The following CATSPERD variants were observed in gnomAD, a reference collection of about 807,000 sequenced individuals.
CATSPERD encodes catsper channel auxiliary subunit delta, also known as cation channel sperm-associated auxiliary subunit delta.
A neutral mutation model predicts 98.1 loss-of-function variants in CATSPERD; 86 were observed. That is an observed-to-expected ratio of 0.88 (90% CI 0.74 to 1.05). CATSPERD has a LOEUF of 1.05. Ranked by LOEUF, CATSPERD falls within the 50% of genes least tolerant of loss-of-function variation. The pLI is 0.00. For missense variants in CATSPERD, 995 were observed against 1,005.7 expected (o/e 0.99, Z 0.14); for synonymous variants, 394 against 390.2 (o/e 1.01, Z -0.12).
intron 15 of CATSPERD, among the ~76,000 whole-genome samples, chr19:5,762,606 T>G (rs942099489): frequency 6.6e-6 from 1 of 151,552 alleles, no homozygotes; most frequent in Admixed American, 6.6e-5. Flanking sequence ...GGTGGATGGG[T>G]GGATGGGTGG....
At chr19:5,770,315 A>G (rs2145858125) in intron 18 of CATSPERD, among the ~76,000 whole-genome samples, 1 of 151,302 alleles carries the variant, frequency 6.6e-6, no homozygotes, top group South Asian at 2.1e-4. Flanking sequence ...TTGTATTCCC[A>G]GCTTCTCAGG....
Position 5,724,997 on chromosome 19 carries a change from C to A in CATSPERD, c.126+135C>A, listed in dbSNP as rs746141537. 14 of 811,790 alleles carry A rather than the reference C, an allele frequency of 1.7e-5. No homozygotes were observed. The East Asian group carries it at 2.3e-4, about 13-fold the overall frequency. The allele number at this position is 811,790 out of a possible 1,614,324, so 50.3% of individuals were successfully genotyped here. A position where few individuals can be genotyped will look rare whatever the true frequency, so the allele number is the denominator to read the frequency against. On this transcript the variant is annotated intron_variant, in intron 2 of 21. Transcript: ENST00000381624. ...ATTACTTTATTCAGTCTTTACAGTT[C>A]TTTCCCCTTTGAAATAGGGATTAAT...
chr19:5,755,567 C>T (rs552586947), intron 13 of CATSPERD, among the ~76,000 whole-genome samples: 10 of 151,840 alleles, frequency 6.6e-5, no homozygotes, highest in African/African-American at 1.7e-4. Context: ...CCCAGGAGCT[C>T]GAGACTAGCC....
intron 4 of CATSPERD, among the ~76,000 whole-genome samples, chr19:5,733,407 CTCCTTCCTTCCTTCCT>C (rs34670750): frequency 1.9e-4 from 27 of 140,974 alleles, no homozygotes; most frequent in Admixed American, 1.6e-3. Context: ...TTCCTTTCTT[CTCCTTCCTTCCTTCCT>C]TCCTTCCTCC....
At chr19:5,739,469 T>G in intron 7 of CATSPERD, 30 bp downstream of exon 7, 1 of 1,195,942 alleles carries the variant, frequency 8.4e-7, no homozygotes, top group Non-Finnish European at 1.2e-6. Context: ...AATGTGAAAA[T>G]AAATACATAT....
chr19:5,762,059 T>TATATATATATATATATATATATATATA lies in CATSPERD; in HGVS notation c.1428-1156_1428-1155insATATATATATATATATATATATATATA. 1.1e-4 allele frequency among the ~76,000 whole-genome samples: 2 copies of TATATATATATATATATATATATATATA among 18,628 alleles called. 1 individual carries two copies. The highest frequency in any genetic ancestry group is 2.2e-4 in the Non-Finnish European group (2 of 9,068). 12.2% of individuals were successfully genotyped at this position (18,628 alleles called of 152,430 possible). A position where few individuals can be genotyped will look rare whatever the true frequency, so the allele number is the denominator to read the frequency against. ...GGCCTGCCATATATATATATATATA[T>TATATATATATATATATATATATATATA]TTTTTTTTTTTTTTTTTTTTTTGAG... On this transcript the variant is annotated intron_variant, in intron 15 of 21. Transcript: ENST00000381624.
At chr19:5,742,173 TGTA>T (rs986805000) in intron 7 of CATSPERD, among the ~76,000 whole-genome samples, 4 of 149,002 alleles carry the variant, frequency 2.7e-5, no homozygotes, top group African/African-American at 1.0e-4. Flanking sequence ...TGTGCGTGTG[TGTA>T]TGTATGTGAA....
rs1329582874 is a variant in CATSPERD at position 5,764,662 on chromosome 19, G to A, written c.1506+1369G>A. ...GACGGAGTTTACTCTTGTTGTTCAGGCTGGAGTGCAGTGGCGCAATCTTGG... is the reference window on the plus strand; with the variant it reads ...GACGGAGTTTACTCTTGTTGTTCAGACTGGAGTGCAGTGGCGCAATCTTGG... On this transcript the variant is annotated intron_variant, in intron 16 of 21. Coordinates refer to ENST00000381624, the MANE Select transcript of CATSPERD (RefSeq NM_152784.4). 5.3e-5 allele frequency among the ~76,000 whole-genome samples: 8 copies of A among 151,390 alleles called. No individual in the cohort carries two copies. The Admixed American group carries it at 5.3e-4, about 10-fold the overall frequency.
chr19:5,742,202 ATGTGTGCATG>A (rs921774220), intron 7 of CATSPERD, among the ~76,000 whole-genome samples: 12 of 109,560 alleles, frequency 1.1e-4, no homozygotes, highest in African/African-American at 2.3e-4. Flanking sequence ...GTGCGTGTAC[ATGTGTGCATG>A]TGTGTACATG....
chr19:5,720,652 C>A lies in CATSPERD; in HGVS notation c.-86C>A. 1.5e-6 allele frequency: 2 copies of A among 1,342,782 alleles called. No homozygotes were observed. Among genetic ancestry groups the A allele is most frequent in the Non-Finnish European group, 2.1e-6 (2 of 964,800 alleles). 83.2% of individuals were successfully genotyped at this position (1,342,782 alleles called of 1,614,324 possible). On this transcript the variant is annotated 5_prime_UTR_variant, in exon 1 of 22. Transcript: ENST00000381624. The stretch of plus-strand genomic sequence containing the variant: ...CCCGGGACTCATTGATGCGCATGCG[C>A]AGGGCTTCAGCCTGCACGTACTCGG...
At chr19:5,740,307 G>T (rs921911939) in intron 7 of CATSPERD, among the ~76,000 whole-genome samples, 5 of 148,956 alleles carry the variant, frequency 3.4e-5, no homozygotes, top group Admixed American at 2.0e-4. Context: ...AATAAAATAA[G>T]CTGGGCGCAG....
intron 18 of CATSPERD, among the ~76,000 whole-genome samples, chr19:5,770,610 A>T (rs2056626016): frequency 6.6e-6 from 1 of 151,750 alleles, no homozygotes. Context: ...GCAAGACCTC[A>T]TCTCTACAAA....
At position 5,744,227 on chromosome 19, in the gene CATSPERD, G is replaced by A. The variant is rs868596423; in HGVS notation, c.574-200G>A. Among the ~76,000 whole-genome samples, 32 of 152,142 alleles carry A rather than the reference G, an allele frequency of 2.1e-4. 1 individual carries two copies. The highest frequency in any genetic ancestry group is 3.8e-4 in the Non-Finnish European group (26 of 68,004). On this transcript the variant is annotated intron_variant, in intron 7 of 21. Coordinates refer to ENST00000381624, the MANE Select transcript of CATSPERD (RefSeq NM_152784.4). ...ACTGCTGACCTCAGGTGATCCACCC[G>A]CCTCAGCCACCCAAAGTGCTGGGAT... is the stretch of plus-strand genomic sequence containing the variant.
At chr19:5,726,060 A>ATT (rs796326447) in intron 2 of CATSPERD, among the ~76,000 whole-genome samples, 16 of 143,202 alleles carry the variant, frequency 1.1e-4, no homozygotes, top group African/African-American at 2.8e-4. Flanking sequence ...TACCCTGTTA[A>ATT]TTTTTTTTTT....
At chr19:5,768,295 G>A (rs2056581092) in intron 18 of CATSPERD, 53 bp downstream of exon 18, 3 of 1,415,618 alleles carry the variant, frequency 2.1e-6, no homozygotes, top group Non-Finnish European at 2.9e-6. Flanking sequence ...CATTGGGCCT[G>A]CAAAAGCCAA....
At chr19:5,764,616 CATTT>C (rs2056505415) in intron 16 of CATSPERD, among the ~76,000 whole-genome samples, 1 of 148,364 alleles carries the variant, frequency 6.7e-6, no homozygotes, top group South Asian at 2.2e-4. Context: ...TGCGCCCGGC[CATTT>C]ATTTATTTAT....
intron 7 of CATSPERD, 107 bp from the exon 8 acceptor site, chr19:5,744,320 A>T: frequency 9.9e-7 from 1 of 1,006,756 alleles, no homozygotes; most frequent in Non-Finnish European, 1.5e-6. Flanking sequence ...TGTTTTTCTA[A>T]AAAAGACTTT....
chr19:5,759,436 G>T (rs2056392237), intron 15 of CATSPERD, among the ~76,000 whole-genome samples: 1 of 151,452 alleles, frequency 6.6e-6, no homozygotes, highest in Non-Finnish European at 1.5e-5. Flanking sequence ...GTAGTGGCAG[G>T]CACCTGTAAT....
At chr19:5,767,013 AT>A (rs1225856026) in intron 17 of CATSPERD, among the ~76,000 whole-genome samples, 3 of 150,760 alleles carry the variant, frequency 2.0e-5, no homozygotes, top group Non-Finnish European at 3.0e-5. Context: ...TTTAAAATAA[AT>A]TTTTTAAAAA....
Sources: gnomAD v4.1 joint callset for allele counts (sites outside exome capture counted in the v4.1 genomes callset) on GRCh38, gnomAD v4.1.1 for gene constraint, MANE v1.5 for transcripts, NCBI Gene and HGNC (gene_info 2026-07-23, HGNC 2026-07-21) for gene names.